The following GRID2IP variants were observed in gnomAD, a reference collection of about 807,000 sequenced individuals.
GRID2IP encodes delphilin.
A neutral mutation model predicts 114.3 loss-of-function variants in GRID2IP; 78 were observed. The observed-to-expected ratio is 0.68, with a 90% CI of 0.57 to 0.82. The LOEUF is 0.82. Ranked by LOEUF, GRID2IP falls within the 40% of genes least tolerant of loss-of-function variation. The pLI, the probability that GRID2IP is intolerant of heterozygous loss-of-function variation, is 0.00. For missense variants in GRID2IP, 1,727 were observed against 1,678.5 expected (o/e 1.03, Z -0.51); for synonymous variants, 809 against 724.0 (o/e 1.12, Z -1.89).
At position 6,508,889 on chromosome 7, in the gene GRID2IP, A is replaced by G; in HGVS notation, c.2127+69T>C. ...GCAGGCCCCTTGCGGGAGCCCAGGA[A>G]CACTGTTGCCTTGCAGACCGCCACA... On this transcript the variant is annotated intron_variant, in intron 12 of 21. Transcript: ENST00000457091. This position sits in a 1 kb window ranked among gnomAD's most constrained non-coding sequence, Gnocchi z 5.6. 6.7e-7 allele frequency: 1 copy of G among 1,496,042 alleles called. No homozygotes were observed. 92.7% of individuals were successfully genotyped at this position (1,496,042 alleles called of 1,614,324 possible).
In GRID2IP at chr7:6,534,972, G is replaced by A. The variant is rs1430946217; in HGVS notation, c.584+4746C>T. ...ACGATCTCGGCTCACTGCAATCTCC[G>A]CCTCCCAGGTTCAAGCGATGCTCCT... is the stretch of plus-strand genomic sequence containing the variant. On this transcript the variant is annotated intron_variant, in intron 2 of 21. Transcript: ENST00000457091. The surrounding 1 kb of genome is among the most constrained non-coding windows in gnomAD (Gnocchi z 4.5). Among the ~76,000 whole-genome samples, 3 of 152,240 alleles carry A rather than the reference G, an allele frequency of 2.0e-5. No homozygotes were observed. The highest frequency in any genetic ancestry group is 6.5e-5 in the Admixed American group (1 of 15,290).
At chr7:6,541,323 A>G (rs1056303411) in intron 1 of GRID2IP, among the ~76,000 whole-genome samples, 6 of 152,224 alleles carry the variant, frequency 3.9e-5, no homozygotes, top group African/African-American at 1.2e-4. Context: ...TTAATATAAA[A>G]GCTTAAAACC....
At chr7:6,538,835 C>T (rs184959914) in intron 2 of GRID2IP, among the ~76,000 whole-genome samples, 13 of 152,128 alleles carry the variant, frequency 8.5e-5, no homozygotes, top group Admixed American at 2.6e-4. Context: ...GATCACGCCA[C>T]TGCACTCCAG....
chr7:6,518,011 C>A (rs116702010), intron 7 of GRID2IP, among the ~76,000 whole-genome samples: 2 of 151,588 alleles, frequency 1.3e-5, no homozygotes, highest in African/African-American at 4.8e-5. Flanking sequence ...ATGGGCAAAT[C>A]TTTTGAGCCC....
chr7:6,509,014 C>T lies in GRID2IP; in HGVS notation c.2071G>A (p.Gly691Ser). Reference sequence around the variant, plus strand: ...TCATCCACGATGGTGACCCGGGGGCCCAGCTGCTCGCTCAGCACGTCCAGG... The same window carrying T: ...TCATCCACGATGGTGACCCGGGGGCTCAGCTGCTCGCTCAGCACGTCCAGG... ...RFLDVLSEQL[G>S]PRVTIVDDFL... The change falls in exon 12 of 22, where the codon GGC (glycine) becomes AGC (serine). Residue 691 changes from glycine (G) to serine (S), a missense_variant. By Grantham distance (56) the Gly-to-Ser change is moderately conservative. Transcript: ENST00000457091. The surrounding 1 kb of genome is among the most constrained non-coding windows in gnomAD (Gnocchi z 4.9). 6.5e-7 allele frequency: 1 copy of T among 1,548,056 alleles called. No individual in the cohort carries two copies. Among genetic ancestry groups the T allele is most frequent in the Non-Finnish European group, 8.7e-7 (1 of 1,146,656 alleles).
chr7:6,514,698 T>C lies in GRID2IP; in HGVS notation c.1269-169A>G, dbSNP rs537945421. Among the ~76,000 whole-genome samples the C allele has an allele frequency of 5.9e-5, 9 of 152,198 alleles. No homozygotes were observed. The East Asian group carries it at 1.3e-3, about 23-fold the overall frequency. On this transcript the variant is annotated intron_variant, in intron 7 of 21. Transcript: ENST00000457091. ...CGGGCACAGTGGCTCACGCCTGTAATCCCAGCACTTTGAGAGGCCGAGGCA... is the reference window on the plus strand; with the variant it reads ...CGGGCACAGTGGCTCACGCCTGTAACCCCAGCACTTTGAGAGGCCGAGGCA...
Position 6,551,106 on chromosome 7 carries a change from G to A in GRID2IP, c.331C>T (p.Leu111=). The A allele has an allele frequency of 7.7e-7, 1 of 1,300,148 alleles. No homozygotes were observed. Among genetic ancestry groups the A allele is most frequent in the Non-Finnish European group, 9.7e-7 (1 of 1,028,374 alleles). The allele number at this position is 1,300,148 out of a possible 1,614,324, so 80.5% of individuals were successfully genotyped here. ...CGAAGCAGCTCACGGCCCAGAGCTAGGCCGCGGCCGCACCGCGGGGCCCGC... is the reference window on the plus strand; with the variant it reads ...CGAAGCAGCTCACGGCCCAGAGCTAAGCCGCGGCCGCACCGCGGGGCCCGC... The part of the protein sequence containing the change: ...VLRAPRCGRG[L]ALGRELLRLA... Residue 111 remains leucine (L), a synonymous_variant, in exon 1 of 22, where the codon CTA becomes TTA. Transcript: ENST00000457091.
In GRID2IP at chr7:6,510,610, A is replaced by T; in HGVS notation, c.1652T>A (p.Met551Lys). 6.5e-7 allele frequency: 1 copy of T among 1,533,660 alleles called. No homozygotes were observed. Among genetic ancestry groups the T allele is most frequent in the Non-Finnish European group, 8.8e-7 (1 of 1,139,884 alleles). ...CGTGGAGGGCAGAGAAGGTCTCACCATCTTGGGGTTGGGGGTCTCAGGGAG... is the reference window on the plus strand; with the variant it reads ...CGTGGAGGGCAGAGAAGGTCTCACCTTCTTGGGGTTGGGGGTCTCAGGGAG... ...TSLPETPNPK[M>K]MSAVYAELES... The change falls in exon 10 of 22, where the codon ATG (methionine) becomes AAG (lysine). Residue 551 changes from methionine to lysine, a missense_variant and splice_region_variant. Physicochemically the swap from Met to Lys is moderately conservative, Grantham distance 95. Coordinates refer to ENST00000457091, the MANE Select transcript of GRID2IP (RefSeq NM_001145118.2).
chr7:6,508,931 T>C lies in GRID2IP; in HGVS notation c.2127+27A>G. On this transcript the variant is annotated intron_variant, in intron 12 of 21. Transcript: ENST00000457091. This position sits in a 1 kb window ranked among gnomAD's most constrained non-coding sequence, Gnocchi z 5.6. ...ACCGCCACACCTCGCCTCACCCGCCTCCCTCCACACCTGCTTGCGTGCCCA... is the reference window on the plus strand; with the variant it reads ...ACCGCCACACCTCGCCTCACCCGCCCCCCTCCACACCTGCTTGCGTGCCCA... The C allele has an allele frequency of 6.5e-7, 1 of 1,535,658 alleles. No homozygotes were observed.
rs958367297 is a variant in GRID2IP at position 6,510,166 on chromosome 7, G to A, written c.1771+117C>T. The A allele has an allele frequency of 9.7e-6, 6 of 618,224 alleles. No individual in the cohort carries two copies. In the African/African-American group the frequency reaches 1.2e-4, roughly 12 times the overall value. The allele number at this position is 618,224 out of a possible 1,614,324, so 38.3% of individuals were successfully genotyped here. ...TCCACAGCTGAGGTGAGGGTCACAG[G>A]GCCATGGGAGGGACTGGGACAACCC... On this transcript the variant is annotated intron_variant, in intron 11 of 21. Coordinates refer to ENST00000457091, the MANE Select transcript of GRID2IP (RefSeq NM_001145118.2).
rs1370843976 is a variant in GRID2IP, at chr7:6,509,792, T to C, written c.1772-479A>G. Among the ~76,000 whole-genome samples, 1 of 152,216 alleles carries C rather than the reference T, an allele frequency of 6.6e-6. No individual in the cohort carries two copies. The highest frequency in any genetic ancestry group is 1.5e-5 in the Non-Finnish European group (1 of 68,028). ...GATCATTTATCCAATAACCACTTGC[T>C]AACTCGGGGACTTCCTCAGAATCAG... On this transcript the variant is annotated intron_variant, in intron 11 of 21. Transcript: ENST00000457091. The surrounding 1 kb of genome is among the most constrained non-coding windows in gnomAD (Gnocchi z 4.9).
At chr7:6,522,363 G>C (rs1453777519) in intron 4 of GRID2IP, among the ~76,000 whole-genome samples, 5 of 152,168 alleles carry the variant, frequency 3.3e-5, no homozygotes, top group Non-Finnish European at 7.4e-5. Context: ...CTGGAGAAGA[G>C]GGAGGTCTGG....
chr7:6,551,400 A>G lies in GRID2IP; in HGVS notation c.37T>C (p.Trp13Arg), dbSNP rs1478487423. 6.5e-7 allele frequency: 1 copy of G among 1,547,482 alleles called. No homozygotes were observed. Among genetic ancestry groups the G allele is most frequent in the Non-Finnish European group, 8.7e-7 (1 of 1,145,540 alleles). Residue 13 changes from tryptophan to arginine, a missense_variant, in exon 1 of 22, where the codon TGG becomes CGG. Transcript: ENST00000457091. ...TTATPATNQG[W>R]PEDFGFRLGG... ...AGCCGGAAGCCAAAGTCCTCTGGCC[A>G]GCCCTGGTTCGTGGCCGGCGTGGCA... is the stretch of plus-strand genomic sequence containing the variant.
chr7:6,543,875 C>A (rs192715197), intron 1 of GRID2IP, among the ~76,000 whole-genome samples: 28 of 152,260 alleles, frequency 1.8e-4, no homozygotes, highest in African/African-American at 6.5e-4. Flanking sequence ...TGGCTCACTG[C>A]AACCTCCACC....
rs1260132930 is a variant in GRID2IP, at chr7:6,516,811, G to A, written c.1269-2282C>T. ...CATAGAAGAAATAATTACGTAAGCT[G>A]TCCCCTCTTTCTCTCCGCCTCAGCT... On this transcript the variant is annotated intron_variant, in intron 7 of 21. Coordinates refer to ENST00000457091, the MANE Select transcript of GRID2IP (RefSeq NM_001145118.2). This position sits in a 1 kb window ranked among gnomAD's most constrained non-coding sequence, Gnocchi z 4.3. 6.6e-6 allele frequency among the ~76,000 whole-genome samples: 1 copy of A among 152,160 alleles called. No individual in the cohort carries two copies. The highest frequency in any genetic ancestry group is 1.5e-5 in the Non-Finnish European group (1 of 68,036).
chr7:6,542,091 C>G (rs1021890004), intron 1 of GRID2IP, among the ~76,000 whole-genome samples: 10 of 151,932 alleles, frequency 6.6e-5, no homozygotes, highest in African/African-American at 2.4e-4. Flanking sequence ...CATCTGAGGT[C>G]AGGTGTTTGA....
At chr7:6,513,947 CAAAAAAAAAAA>C (rs35124535) in intron 8 of GRID2IP, among the ~76,000 whole-genome samples, 1 of 47,542 alleles carries the variant, frequency 2.1e-5, no homozygotes, top group South Asian at 9.0e-4. Context: ...GACTCCGTCT[CAAAAAAAAAAA>C]AAAAAAAAAA....
intron 2 of GRID2IP, among the ~76,000 whole-genome samples, chr7:6,531,925 G>GCGAGTGAGGACAGGA (rs1779634816): frequency 2.0e-5 from 3 of 152,222 alleles, no homozygotes; most frequent in Admixed American, 1.3e-4. Flanking sequence ...GGGAGTCAGT[G>GCGAGTGAGGACAGGA]CGAGTGAGGA....
intron 4 of GRID2IP, among the ~76,000 whole-genome samples, chr7:6,522,424 C>T (rs1242435999): frequency 6.6e-6 from 1 of 152,132 alleles, no homozygotes; most frequent in South Asian, 2.1e-4. Flanking sequence ...GCTCCATACA[C>T]TGTTCTTAGC....
Sources: gnomAD v4.1 joint callset for allele counts (sites outside exome capture counted in the v4.1 genomes callset) on GRCh38, gnomAD v4.1.1 for gene constraint, Gnocchi (gnomAD v3.1) non-coding constraint, MANE v1.5 for transcripts, NCBI Gene and HGNC (gene_info 2026-07-23, HGNC 2026-07-21) for gene names.